The following CACNA1S variants were observed in gnomAD, a reference collection of about 807,000 sequenced individuals.
The protein encoded by CACNA1S is calcium voltage-gated channel subunit alpha1 S.
Under a neutral mutation model 207.4 loss-of-function variants are expected in CACNA1S, and 126 were observed. That is an observed-to-expected ratio of 0.61 (90% CI 0.53 to 0.70). The LOEUF (loss-of-function observed/expected upper bound fraction) is 0.70. Among genes scored for constraint, CACNA1S ranks in the 30% least tolerant of loss-of-function variants. The probability of loss-of-function intolerance (pLI) is 0.00; values close to 1 mark genes in which losing one functional copy is unlikely to be tolerated. For missense variants in CACNA1S, 2,349 were observed against 2,422.8 expected (o/e 0.97, Z 0.64); for synonymous variants, 960 against 932.7 (o/e 1.03, Z -0.53).
At chr1:201,102,773 G>T (rs958009410) in intron 2 of CACNA1S, among the ~76,000 whole-genome samples, 2 of 152,150 alleles carry the variant, frequency 1.3e-5, no homozygotes, top group African/African-American at 2.4e-5. Context: ...AGACTCCATG[G>T]TCTCAACCAC....
rs1325776957 is a variant in CACNA1S at position 201,091,996 on chromosome 1, G to A, written c.517C>T (p.Leu173Phe). 3.1e-6 allele frequency: 5 copies of A among 1,614,078 alleles called. No individual in the cohort carries two copies. The African/African-American group carries it at 4.0e-5, about 13-fold the overall frequency. ...CTAGGCACCCCCGACACCAGCCGGA[G>A]GGGTCTGAGCACTCGGAAGGCTCTG... is the stretch of plus-strand genomic sequence containing the variant. ...ALRAFRVLRPLRLVSGVPSLQ... is the reference protein window; with the variant it reads ...ALRAFRVLRPFRLVSGVPSLQ... The change falls in exon 4 of 44, where the codon CTC becomes TTC. Residue 173 changes from leucine (L) to phenylalanine (F), a missense_variant. Leu to Phe is a conservative substitution (Grantham distance 22). Coordinates refer to ENST00000362061, the MANE Select transcript of CACNA1S (RefSeq NM_000069.3).
chr1:201,043,572 G>A lies in CACNA1S; in HGVS notation c.4798-41C>T, dbSNP rs757907594. The A allele has an allele frequency of 2.5e-6, 4 of 1,590,904 alleles. No individual in the cohort carries two copies. The East Asian group carries it at 6.7e-5, about 27-fold the overall frequency. ...AGAGCAGTGACTGGGGGTGAGGGCA[G>A]GGAGGGCATGGGGGGCTGTCACTCT... is the stretch of plus-strand genomic sequence containing the variant. On this transcript the variant is annotated intron_variant, in intron 39 of 43. Transcript: ENST00000362061.
Position 201,043,358 on chromosome 1 carries a change from A to T in CACNA1S, c.4971T>A (p.Ala1657=). ...CGTTGGCATTGTTGGTATTGGCACG[A>T]GCCAGGGGGTTGGTGCGTGGATCTT... is the stretch of plus-strand genomic sequence containing the variant. ...FPQDPRTNPL[A]RANTNNANAN... is the part of the protein sequence containing the mutation. Residue 1657 remains alanine, a synonymous_variant, in exon 40 of 44, where the codon GCT becomes GCA. Coordinates refer to ENST00000362061, the MANE Select transcript of CACNA1S (RefSeq NM_000069.3). The T allele has an allele frequency of 1.2e-6, 2 of 1,614,192 alleles. No individual in the cohort carries two copies. The highest frequency in any genetic ancestry group is 2.2e-5 in the South Asian group (2 of 91,092).
intron 7 of CACNA1S, 91 bp downstream of exon 7, chr1:201,087,735 T>C (rs772125092): frequency 2.1e-4 from 112 of 522,204 alleles, no homozygotes; most frequent in Non-Finnish European, 3.1e-4. Context: ...CCACCCCTCC[T>C]GTTTCTTTTC....
rs759501199 is a variant in CACNA1S at position 201,077,028 on chromosome 1, G to A, written c.1719C>T (p.Phe573=). Residue 573 remains phenylalanine (F), a synonymous_variant, in exon 12 of 44, where the codon TTC becomes TTT. Transcript: ENST00000362061. ...CAAAGAGCTGCATGCCCAGGAGGGC[G>A]AAGATGACGATGAAGAGGAAGAGCA... ...LLLLFLFIVI[F]ALLGMQLFGG... 52 of 1,614,040 alleles carry A rather than the reference G, an allele frequency of 3.2e-5. 2 individuals carry two copies. The highest frequency in any genetic ancestry group is 3.1e-4 in the South Asian group (28 of 91,086).
At position 201,039,899 on chromosome 1, in the gene CACNA1S, C is replaced by T. The variant is rs540721779; in HGVS notation, c.5554G>A (p.Gly1852Arg). The T allele has an allele frequency of 6.6e-5, 106 of 1,613,448 alleles. 1 individual carries two copies. The East Asian group carries it at 2.1e-3, about 31-fold the overall frequency. Residue 1852 changes from glycine (G) to arginine (R), a missense_variant, in exon 44 of 44, where the codon GGG becomes AGG. Physicochemically the swap from Gly to Arg is moderately radical, Grantham distance 125. Coordinates refer to ENST00000362061, the MANE Select transcript of CACNA1S (RefSeq NM_000069.3). The part of the protein sequence containing the change: ...MASSLGCLNL[G>R]SSLGSLDQHQ... Reference sequence around the variant, plus strand: ...TGGTCGAGGCTGCCCAGGGAGGACCCGAGGTTCAGGCATCCCAGGGAGCTG... The same window carrying T: ...TGGTCGAGGCTGCCCAGGGAGGACCTGAGGTTCAGGCATCCCAGGGAGCTG...
At chr1:201,062,381 C>T in intron 23 of CACNA1S, 81 bp downstream of exon 23, 4 of 1,390,530 alleles carry the variant, frequency 2.9e-6, no homozygotes, top group Non-Finnish European at 4.1e-6. Flanking sequence ...CGTAACCCTC[C>T]CACAGTGCTC....
At chr1:201,091,837 T>C in intron 4 of CACNA1S, 45 bp from the exon 5 acceptor site, 3 of 1,598,454 alleles carry the variant, frequency 1.9e-6, no homozygotes, top group Non-Finnish European at 2.6e-6. Flanking sequence ...CGCCTCTGCT[T>C]GGTCTCTTGG....
At chr1:201,074,095 C>T (rs1572046377) in intron 14 of CACNA1S, among the ~76,000 whole-genome samples, 2 of 152,288 alleles carry the variant, frequency 1.3e-5, no homozygotes, top group East Asian at 3.9e-4. Flanking sequence ...TGTCTAGAAC[C>T]TAGGTACTTG....
Position 201,039,603 on chromosome 1 carries a change from A to T in CACNA1S, c.*228T>A, listed in dbSNP as rs1660036379. On this transcript the variant is annotated 3_prime_UTR_variant, in exon 44 of 44. Transcript: ENST00000362061. Reference sequence around the variant, plus strand: ...CACTGACCAGGCCTTTTTGAATGACATTAGAAGCTCCATCCAATCATGCCT... The same window carrying T: ...CACTGACCAGGCCTTTTTGAATGACTTTAGAAGCTCCATCCAATCATGCCT... 8.2e-6 allele frequency: 5 copies of T among 611,912 alleles called. No homozygotes were observed. Among genetic ancestry groups the T allele is most frequent in the Non-Finnish European group, 1.4e-5 (5 of 346,564 alleles). 37.9% of individuals were successfully genotyped at this position (611,912 alleles called of 1,614,324 possible). A position where few individuals can be genotyped will look rare whatever the true frequency, so the allele number is the denominator to read the frequency against.
chr1:201,093,847 G>T, intron 3 of CACNA1S, 35 bp downstream of exon 3: 1 of 1,612,810 alleles, frequency 6.2e-7, no homozygotes, highest in African/African-American at 1.3e-5. Flanking sequence ...CTCAGCGAGG[G>T]TCTGACCTTC....
chr1:201,085,706 T>C, intron 7 of CACNA1S, 125 bp from the exon 8 acceptor site: 4 of 1,120,444 alleles, frequency 3.6e-6, no homozygotes, highest in Non-Finnish European at 5.1e-6. Context: ...GGCCCCGGGG[T>C]GTTGCCTGGG....
chr1:201,083,680 A>G (rs758605282), intron 9 of CACNA1S, among the ~76,000 whole-genome samples: 5 of 152,210 alleles, frequency 3.3e-5, no homozygotes, highest in Non-Finnish European at 7.3e-5. Flanking sequence ...CAAATTAATA[A>G]TATCTGGGGA....
chr1:201,107,655 C>A (rs1291407913), intron 2 of CACNA1S, among the ~76,000 whole-genome samples: 1 of 152,180 alleles, frequency 6.6e-6, no homozygotes, highest in African/African-American at 2.4e-5. Flanking sequence ...AGACCCCAAC[C>A]CTTCTCTGCT....
chr1:201,081,684 T>G (rs1387211863), intron 10 of CACNA1S, among the ~76,000 whole-genome samples: 1 of 152,122 alleles, frequency 6.6e-6, no homozygotes, highest in Non-Finnish European at 1.5e-5. Context: ...GAAATGTAAT[T>G]CCCAATGCTG....
rs186777514 is a variant in CACNA1S, at chr1:201,039,727, A to G, written c.*104T>C. On this transcript the variant is annotated 3_prime_UTR_variant, in exon 44 of 44. Coordinates refer to ENST00000362061, the MANE Select transcript of CACNA1S (RefSeq NM_000069.3). ...TCAGGCCATGCATCTAGCTGCTGAG[A>G]GGGAGGGAGGCTGCTGCGGTGGGCT... The G allele has an allele frequency of 4.9e-4, 728 of 1,498,418 alleles. No individual in the cohort carries two copies. The highest frequency in any genetic ancestry group is 6.4e-4 in the Non-Finnish European group (695 of 1,091,258). 92.8% of individuals were successfully genotyped at this position (1,498,418 alleles called of 1,614,324 possible).
chr1:201,068,178 C>T (rs1299185214), intron 19 of CACNA1S, among the ~76,000 whole-genome samples: 1 of 148,738 alleles, frequency 6.7e-6, no homozygotes, highest in East Asian at 2.0e-4. Flanking sequence ...CCTTTCCAGT[C>T]ACTGTTAACA....
At chr1:201,057,722 G>A (rs1660895248) in intron 28 of CACNA1S, among the ~76,000 whole-genome samples, 1 of 152,210 alleles carries the variant, frequency 6.6e-6, no homozygotes, top group African/African-American at 2.4e-5. Flanking sequence ...AGCACTTTGG[G>A]AGGCTGAGGC....
Position 201,060,665 on chromosome 1 carries a change from C to T in CACNA1S, c.3407G>A (p.Gly1136Asp), listed in dbSNP as rs375919164. 3.7e-6 allele frequency: 6 copies of T among 1,614,162 alleles called. No individual in the cohort carries two copies. Among genetic ancestry groups the T allele is most frequent in the Non-Finnish European group, 5.1e-6 (6 of 1,180,042 alleles). Residue 1136 changes from glycine (G) to aspartate (D), a missense_variant, in exon 26 of 44, where the codon GGC (glycine) becomes GAC (aspartate). Transcript: ENST00000362061. ...CTCCTGGGGAGCCCTTACCTGCATG[C>T]CGAGGCAGATGGTGTTGAGCATGAT... ...ALIMLNTICL[G>D]MQHYNQSEQM...
Sources: allele counts gnomAD v4.1 joint callset (sites outside exome capture counted in the v4.1 genomes callset), GRCh38; gene constraint gnomAD v4.1.1; transcripts MANE v1.5; gene names NCBI Gene and HGNC (gene_info 2026-07-23, HGNC 2026-07-21).